The following MAP3K2 variants were observed in gnomAD, a reference collection of about 807,000 sequenced individuals.
MAP3K2 encodes mitogen-activated protein kinase kinase kinase 2.
In MAP3K2, 24 loss-of-function variants were observed where a neutral mutation model predicts 80.3. The ratio of observed to expected loss-of-function variants is 0.30; its 90% CI spans 0.22 to 0.42. MAP3K2 has a LOEUF of 0.42. Ranked by LOEUF, MAP3K2 falls within the 10% of genes least tolerant of loss-of-function variation. The pLI, the probability that MAP3K2 is intolerant of heterozygous loss-of-function variation, is 1.00. For missense variants in MAP3K2, 608 were observed against 750.1 expected, an observed-to-expected ratio of 0.81 and a Z score of 2.21; for synonymous variants, 244 against 253.7, an observed-to-expected ratio of 0.96 and a Z score of 0.36.
intron 1 of MAP3K2, among the ~76,000 whole-genome samples, chr2:127,378,981 G>GTT (rs58961718): frequency 0.011 from 958 of 88,002 alleles, 54 homozygotes; most frequent in South Asian, 0.019. Context: ...GTTTTTTGTT[G>GTT]TTTTTTTTTT....
chr2:127,322,061 T>C lies in MAP3K2; in HGVS notation c.1030A>G (p.Ser344Gly). The C allele has an allele frequency of 6.2e-7, 1 of 1,613,100 alleles. No individual in the cohort carries two copies. The highest frequency in any genetic ancestry group is 1.1e-5 in the South Asian group (1 of 90,908). Residue 344 changes from serine to glycine, a missense_variant, in exon 12 of 17, where the codon AGC becomes GGC. Transcript: ENST00000682094. The surrounding 1 kb of genome is among the most constrained non-coding windows in gnomAD (Gnocchi z 4.2). ...TATTACTTACAACGGCTGGGTGGGC[T>C]GATGTCCATTACGGTCAAAGTAGGA... is the stretch of plus-strand genomic sequence containing the variant. ...DNPTLTVMDI[S>G]PPSRSPRAPT... is the part of the protein sequence containing the mutation.
intron 1 of MAP3K2, among the ~76,000 whole-genome samples, chr2:127,374,216 A>C (rs541689919): frequency 6.6e-6 from 1 of 152,148 alleles, no homozygotes; most frequent in South Asian, 2.1e-4. Flanking sequence ...CTTACTGTTT[A>C]TTTATTGCAG....
At position 127,338,938 on chromosome 2, in the gene MAP3K2, T is replaced by C. The variant is rs1686425493; in HGVS notation, c.117A>G (p.Lys39=). 1 of 1,598,556 alleles carries C rather than the reference T, an allele frequency of 6.3e-7. No homozygotes were observed. Among genetic ancestry groups the C allele is most frequent in the Admixed American group, 1.7e-5 (1 of 58,602 alleles). ...TACTTATTAAAATAAATACCTGTTT[T>C]TTTGGTGATGAAGATTTTGCTTTTC... ...ETRKAKSSSP[K]KQNDVRVKFE... Residue 39 remains lysine (K), a synonymous_variant, in exon 3 of 17, where the codon AAA becomes AAG. Transcript: ENST00000682094.
intron 1 of MAP3K2, among the ~76,000 whole-genome samples, chr2:127,371,593 A>C (rs935230535): frequency 6.6e-6 from 1 of 152,206 alleles, no homozygotes; most frequent in Non-Finnish European, 1.5e-5. Flanking sequence ...CAATGCATGC[A>C]ATCAGAGGAA....
At chr2:127,343,244 A>G (rs1210399624) in intron 1 of MAP3K2, 50 bp from the exon 2 acceptor site, 3 of 732,086 alleles carry the variant, frequency 4.1e-6, no homozygotes, top group African/African-American at 1.8e-5. Context: ...ACAGAAAAGG[A>G]GCCAGGAAAA....
intron 14 of MAP3K2, 124 bp from the exon 15 acceptor site, chr2:127,315,007 G>T: frequency 1.5e-6 from 1 of 648,638 alleles, no homozygotes; most frequent in East Asian, 2.9e-5. Flanking sequence ...TGTCCTACTT[G>T]AATTTTACTT....
At position 127,364,989 on chromosome 2, in the gene MAP3K2, G is replaced by A. The variant is rs916037225; in HGVS notation, c.-65-21795C>T. 2.0e-5 allele frequency among the ~76,000 whole-genome samples: 3 copies of A among 151,820 alleles called. No individual in the cohort carries two copies. The highest frequency in any genetic ancestry group is 4.8e-5 in the African/African-American group (2 of 41,344). On this transcript the variant is annotated intron_variant, in intron 1 of 16. Coordinates refer to ENST00000682094, the MANE Select transcript of MAP3K2 (RefSeq NM_001371910.2). This position sits in a 1 kb window ranked among gnomAD's most constrained non-coding sequence, Gnocchi z 4.1. ...CTAAAACTACAAAAATTAGCCGGGT[G>A]TGGTGGCACATGCCTGTAATCCCTG...
rs1333930629 is a variant in MAP3K2 at position 127,338,835 on chromosome 2, C to T, written c.123+97G>A. The stretch of plus-strand genomic sequence containing the variant: ...ACAAACACTAACAAAATTCTTGATT[C>T]GAAAGTGTAAAAGCTGAACACATTA... On this transcript the variant is annotated intron_variant, in intron 3 of 16. Transcript: ENST00000682094. The T allele has an allele frequency of 4.4e-5, 35 of 792,666 alleles. No individual in the cohort carries two copies. The South Asian group carries it at 4.9e-4, about 11-fold the overall frequency. 49.1% of individuals were successfully genotyped at this position (792,666 alleles called of 1,614,324 possible). A position where few individuals can be genotyped will look rare whatever the true frequency, so the allele number is the denominator to read the frequency against.
In MAP3K2 at chr2:127,304,574, C is replaced by A. The variant is rs1218074097; in HGVS notation, c.*3005G>T. ...AGTCAGCAGTCTGACCATTTTCCAG[C>A]GTCAGCAAAGAAGCATTACAGTATA... On this transcript the variant is annotated 3_prime_UTR_variant, in exon 17 of 17. Coordinates refer to ENST00000682094, the MANE Select transcript of MAP3K2 (RefSeq NM_001371910.2). 3 of 152,396 alleles carry A rather than the reference C, an allele frequency of 2.0e-5. No homozygotes were observed. Among genetic ancestry groups the A allele is most frequent in the Non-Finnish European group, 4.4e-5 (3 of 68,004 alleles). The allele number at this position is 152,396 out of a possible 1,614,324, so 9.4% of individuals were successfully genotyped here. A position where few individuals can be genotyped will look rare whatever the true frequency, so the allele number is the denominator to read the frequency against.
At chr2:127,362,912 C>T (rs1332677041) in intron 1 of MAP3K2, among the ~76,000 whole-genome samples, 2 of 152,200 alleles carry the variant, frequency 1.3e-5, no homozygotes, top group Non-Finnish European at 2.9e-5. Context: ...CTACAGTTGG[C>T]CCTCCCTATC....
intron 1 of MAP3K2, among the ~76,000 whole-genome samples, chr2:127,366,403 CAACAA>C (rs1490032115): frequency 6.9e-6 from 1 of 144,904 alleles, no homozygotes; most frequent in African/African-American, 2.5e-5. Context: ...AAAAAAAACC[CAACAA>C]AACAAAACAA....
At chr2:127,361,057 T>A (rs1301149394) in intron 1 of MAP3K2, among the ~76,000 whole-genome samples, 1 of 152,036 alleles carries the variant, frequency 6.6e-6, no homozygotes, top group African/African-American at 2.4e-5. Flanking sequence ...CTCAAGCCCG[T>A]AATCCCAGCA....
Position 127,316,024 on chromosome 2 carries a change from G to A in MAP3K2, c.1327-1141C>T, listed in dbSNP as rs531335293. ...CAGGAGGTGGAAGTTGCAGTGAGCC[G>A]AGATCGCACCACTGCACTCCAGTCT... On this transcript the variant is annotated intron_variant, in intron 14 of 16. Coordinates refer to ENST00000682094, the MANE Select transcript of MAP3K2 (RefSeq NM_001371910.2). Among the ~76,000 whole-genome samples the A allele has an allele frequency of 2.0e-4, 31 of 152,150 alleles. No individual in the cohort carries two copies. The East Asian group carries it at 2.9e-3, about 14-fold the overall frequency.
chr2:127,365,178 C>T (rs941309016), intron 1 of MAP3K2, among the ~76,000 whole-genome samples: 1 of 133,512 alleles, frequency 7.5e-6, no homozygotes, highest in African/African-American at 2.8e-5. Context: ...ATGGCTTGCA[C>T]TGAGCAGACA....
At chr2:127,359,474 C>G (rs1686849151) in intron 1 of MAP3K2, among the ~76,000 whole-genome samples, 1 of 152,170 alleles carries the variant, frequency 6.6e-6, no homozygotes, top group South Asian at 2.1e-4. Flanking sequence ...GGATGTTGTA[C>G]AACTAAAACA....
Position 127,345,000 on chromosome 2 carries a change from G to A in MAP3K2, c.-65-1806C>T, listed in dbSNP as rs531360185. Among the ~76,000 whole-genome samples, 5 of 152,166 alleles carry A rather than the reference G, an allele frequency of 3.3e-5. No individual in the cohort carries two copies. In the South Asian group the frequency reaches 1.0e-3, roughly 32 times the overall value. On this transcript the variant is annotated intron_variant, in intron 1 of 16. Coordinates refer to ENST00000682094, the MANE Select transcript of MAP3K2 (RefSeq NM_001371910.2). ...CACCTCAGCACCCCCGAGTAGATGGGACTACAGGTGCATGCTATCACACCC... is the reference window on the plus strand; with the variant it reads ...CACCTCAGCACCCCCGAGTAGATGGAACTACAGGTGCATGCTATCACACCC...
At chr2:127,358,353 C>T (rs913639329) in intron 1 of MAP3K2, among the ~76,000 whole-genome samples, 4 of 152,156 alleles carry the variant, frequency 2.6e-5, no homozygotes, top group African/African-American at 4.8e-5. Flanking sequence ...GGTACAACCG[C>T]TTTGGAAAAC....
At chr2:127,337,917 T>C in intron 3 of MAP3K2, 139 bp from the exon 4 acceptor site, 1 of 536,336 alleles carries the variant, frequency 1.9e-6, no homozygotes, top group Non-Finnish European at 3.3e-6. Flanking sequence ...AATTTTGAAG[T>C]TCTGTACCAG....
intron 1 of MAP3K2, among the ~76,000 whole-genome samples, chr2:127,362,954 T>C (rs1229123238): frequency 1.3e-5 from 2 of 152,098 alleles, no homozygotes; most frequent in African/African-American, 4.8e-5. Context: ...TTCAACCAAC[T>C]GGAGATCGAA....
Sources: allele counts gnomAD v4.1 joint callset (sites outside exome capture counted in the v4.1 genomes callset), GRCh38; gene constraint gnomAD v4.1.1; non-coding constraint Gnocchi (gnomAD v3.1); transcripts MANE v1.5; gene names NCBI Gene and HGNC (gene_info 2026-07-23, HGNC 2026-07-21).